The following RBFOX1 variants were observed in gnomAD, a reference collection of about 807,000 sequenced individuals.
RBFOX1 encodes RNA binding protein fox-1 homolog 1.
In RBFOX1, 8 loss-of-function variants were observed where a neutral mutation model predicts 57.7. The observed-to-expected ratio is 0.14, with a 90% CI of 0.08 to 0.25. RBFOX1 has a LOEUF of 0.25. Among genes scored for constraint, RBFOX1 ranks in the 10% least tolerant of loss-of-function variants. The probability of loss-of-function intolerance (pLI) is 1.00; values close to 1 mark genes in which losing one functional copy is unlikely to be tolerated. For missense variants in RBFOX1, 611 were observed against 548.5 expected (o/e 1.11, Z -1.14); for synonymous variants, 326 against 222.4 (o/e 1.47, Z -4.15).
chr16:6,252,187 T>A (rs2097620314), intron 1 of RBFOX1, among the ~76,000 whole-genome samples: 1 of 151,960 alleles, frequency 6.6e-6, no homozygotes, highest in Non-Finnish European at 1.5e-5. Flanking sequence ...CCTGCACCCA[T>A]CCCGCAACTT....
intron 2 of RBFOX1, among the ~76,000 whole-genome samples, chr16:6,650,598 G>C (rs368739458): frequency 4.6e-5 from 7 of 152,218 alleles, no homozygotes; most frequent in East Asian, 3.9e-4. Flanking sequence ...TGGCACGAAA[G>C]AGGTATTTAA....
intron 1 of RBFOX1, among the ~76,000 whole-genome samples, chr16:6,206,175 G>T (rs978934743): frequency 6.6e-6 from 1 of 152,072 alleles, no homozygotes; most frequent in African/African-American, 2.4e-5. Flanking sequence ...CTCCTCTCTT[G>T]CCTCTCTCCC....
chr16:6,852,439 G>T (rs191445835), intron 3 of RBFOX1, among the ~76,000 whole-genome samples: 9 of 152,292 alleles, frequency 5.9e-5, no homozygotes, highest in African/African-American at 7.2e-5. Context: ...AGGGATTTTT[G>T]ACCTGAGATA....
At chr16:7,240,579 G>C (rs1446986546) in intron 4 of RBFOX1, among the ~76,000 whole-genome samples, 3 of 152,010 alleles carry the variant, frequency 2.0e-5, no homozygotes, top group African/African-American at 7.2e-5. Context: ...TTTTGAGACA[G>C]GGTCTCACTT....
At chr16:7,153,411 G>A (rs1225123372) in intron 4 of RBFOX1, among the ~76,000 whole-genome samples, 2 of 151,992 alleles carry the variant, frequency 1.3e-5, no homozygotes, top group Non-Finnish European at 2.9e-5. Context: ...GAAAAATTTG[G>A]TTTAGGGAGG....
At chr16:7,437,864 C>T (rs916017107) in intron 4 of RBFOX1, among the ~76,000 whole-genome samples, 35 of 135,786 alleles carry the variant, frequency 2.6e-4, no homozygotes, top group Non-Finnish European at 3.6e-4. Context: ...GAAGCAAAGT[C>T]AGAAAAAAAA....
intron 1 of RBFOX1, among the ~76,000 whole-genome samples, chr16:5,406,876 A>G (rs2066882903): frequency 6.6e-6 from 1 of 152,200 alleles, no homozygotes; most frequent in Admixed American, 6.5e-5. Flanking sequence ...AGTGCTGTGC[A>G]GGTGGAGTAC....
intron 4 of RBFOX1, among the ~76,000 whole-genome samples, chr16:7,225,257 T>G (rs1341093683): frequency 6.6e-6 from 1 of 152,142 alleles, no homozygotes; most frequent in Non-Finnish European, 1.5e-5. Context: ...AATCTCATCT[T>G]GAATTGTAGC....
intron 3 of RBFOX1, among the ~76,000 whole-genome samples, chr16:6,758,805 G>C (rs1457462469): frequency 1.3e-5 from 2 of 152,086 alleles, no homozygotes; most frequent in East Asian, 3.9e-4. Flanking sequence ...TCATCTCTTA[G>C]AAATTTCTTA....
chr16:5,641,162 C>T (rs541987297), intron 3 of RBFOX1, among the ~76,000 whole-genome samples: 1 of 150,624 alleles, frequency 6.6e-6, no homozygotes, highest in Non-Finnish European at 1.5e-5. Context: ...CATGCATGTA[C>T]ACACATGCAC....
chr16:6,734,573 A>G (rs904934068), intron 3 of RBFOX1, among the ~76,000 whole-genome samples: 1 of 61,018 alleles, frequency 1.6e-5, no homozygotes, highest in African/African-American at 3.5e-5. Context: ...TGTAATTAAG[A>G]CTGTGCTCTT....
At chr16:7,689,821 G>A in intron 14 of RBFOX1, among the ~76,000 whole-genome samples, 1 of 152,008 alleles carries the variant, frequency 6.6e-6, no homozygotes, top group East Asian at 1.9e-4. Context: ...AGTATGATAT[G>A]GCCACTGTAG....
At chr16:6,833,716 T>C (rs1023820687) in intron 3 of RBFOX1, among the ~76,000 whole-genome samples, 3 of 152,222 alleles carry the variant, frequency 2.0e-5, no homozygotes, top group South Asian at 4.1e-4. Flanking sequence ...AGAAAGACTC[T>C]AGATGCTATG....
Position 5,811,229 on chromosome 16 carries a change from G to A in RBFOX1, c.319-56074G>A, listed in dbSNP as rs1002917788. Among the ~76,000 whole-genome samples the A allele has an allele frequency of 3.9e-5, 5 of 128,618 alleles. 1 individual carries two copies. In the South Asian group the frequency reaches 7.7e-4, roughly 20 times the overall value. 84.4% of individuals were successfully genotyped at this position (128,618 alleles called of 152,430 possible). A position where few individuals can be genotyped will look rare whatever the true frequency, so the allele number is the denominator to read the frequency against. ...GCGATCTCGGCTCACTGCAACTTCCGCCTCCCAGGTTCTTCCACCTCAGCC... is the reference window on the plus strand; with the variant it reads ...GCGATCTCGGCTCACTGCAACTTCCACCTCCCAGGTTCTTCCACCTCAGCC... On this transcript the variant is annotated intron_variant, in intron 3 of 19. Transcript: ENST00000641259.
intron 3 of RBFOX1, among the ~76,000 whole-genome samples, chr16:6,940,702 A>T (rs1018011253): frequency 6.6e-6 from 1 of 151,372 alleles, no homozygotes; most frequent in African/African-American, 2.4e-5. Flanking sequence ...GGTTCACGCC[A>T]TTCTCCTGCC....
intron 2 of RBFOX1, among the ~76,000 whole-genome samples, chr16:6,492,807 G>C (rs1182623321): frequency 6.6e-6 from 1 of 152,184 alleles, no homozygotes; most frequent in Non-Finnish European, 1.5e-5. Context: ...CATCTAAGAT[G>C]TTATGAGTGA....
At chr16:7,519,442 G>T (rs181798458) in intron 5 of RBFOX1, among the ~76,000 whole-genome samples, 1 of 152,036 alleles carries the variant, frequency 6.6e-6, no homozygotes, top group African/African-American at 2.4e-5. Context: ...ATTTTATTGC[G>T]TACAAATGAT....
intron 4 of RBFOX1, among the ~76,000 whole-genome samples, chr16:7,469,166 C>A (rs1247951792): frequency 6.6e-6 from 1 of 152,242 alleles, no homozygotes; most frequent in African/African-American, 2.4e-5. Flanking sequence ...AATCTCCTGA[C>A]CTCATGATCT....
intron 1 of RBFOX1, chr16:5,270,773 G>C: frequency 2.2e-6 from 1 of 463,294 alleles, no homozygotes; most frequent in South Asian, 1.7e-5. Context: ...GAAAAGGCTT[G>C]CCAATTTATC....
Sources: allele counts gnomAD v4.1 joint callset (sites outside exome capture counted in the v4.1 genomes callset), GRCh38; gene constraint gnomAD v4.1.1; transcripts MANE v1.5; gene names NCBI Gene and HGNC (gene_info 2026-07-23, HGNC 2026-07-21).